Variants in ERC1 observed in about 807,000 individuals in gnomAD.
The protein encoded by ERC1 is ELKS/RAB6-interacting/CAST family member 1.
Under a neutral mutation model 132.0 loss-of-function variants are expected in ERC1, and 56 were observed. The ratio of observed to expected loss-of-function variants is 0.42; its 90% CI spans 0.34 to 0.53. ERC1 has a LOEUF of 0.53. Among genes scored for constraint, ERC1 ranks in the 20% least tolerant of loss-of-function variants. ERC1 has a pLI of 0.03. For synonymous variants in ERC1, 478 were observed against 476.1 expected (o/e 1.00, Z -0.05); for missense variants, 1,202 against 1,349.9 (o/e 0.89, Z 1.72).
chr12:1,405,746 T>C (rs12296480), intron 16 of ERC1, among the ~76,000 whole-genome samples: 40,541 of 151,752 alleles, frequency 0.27, 9,309 homozygotes, highest in African/African-American at 0.63. Flanking sequence ...AAATGCTGTG[T>C]AGCCAGTTAA....
chr12:1,305,250 C>G (rs2080792631), intron 15 of ERC1, among the ~76,000 whole-genome samples: 1 of 152,156 alleles, frequency 6.6e-6, no homozygotes, highest in Admixed American at 6.6e-5. Flanking sequence ...AATTTCTGTG[C>G]TTGGGATTCT....
chr12:1,488,523 CA>C (rs750140534), intron 18 of ERC1, among the ~76,000 whole-genome samples: 1 of 152,000 alleles, frequency 6.6e-6, no homozygotes, highest in African/African-American at 2.4e-5. Context: ...CCCATCTCTC[CA>C]AAAAATTAAA....
At chr12:1,051,529 CAAAAAA>C (rs35353366) in intron 2 of ERC1, among the ~76,000 whole-genome samples, 1 of 127,686 alleles carries the variant, frequency 7.8e-6, no homozygotes, top group African/African-American at 3.3e-5. Context: ...GTCTCTACCC[CAAAAAA>C]AAAAAAAAAA....
chr12:1,044,594 G>A (rs1592914133), intron 2 of ERC1, among the ~76,000 whole-genome samples: 1 of 152,116 alleles, frequency 6.6e-6, no homozygotes, highest in Admixed American at 6.5e-5. Flanking sequence ...GACATAATAG[G>A]TATGCAGATA....
chr12:1,422,788 G>A (rs2092475307), intron 17 of ERC1, among the ~76,000 whole-genome samples: 1 of 151,872 alleles, frequency 6.6e-6, no homozygotes, highest in South Asian at 2.1e-4. Flanking sequence ...TTTCTGTAAT[G>A]GCTGTTCTAA....
At chr12:1,194,106 T>C (rs1183673609) in intron 12 of ERC1, among the ~76,000 whole-genome samples, 1 of 152,190 alleles carries the variant, frequency 6.6e-6, no homozygotes. Context: ...GAGTAGGCTT[T>C]TCTTTGCTAT....
chr12:1,192,073 A>G (rs751741481), intron 12 of ERC1, among the ~76,000 whole-genome samples: 74 of 152,328 alleles, frequency 4.9e-4, no homozygotes, highest in Non-Finnish European at 7.9e-4. Flanking sequence ...TGTGGTTTGT[A>G]AATTCCAGAT....
intron 13 of ERC1, among the ~76,000 whole-genome samples, chr12:1,238,637 A>G (rs970733824): frequency 1.3e-5 from 2 of 152,086 alleles, no homozygotes; most frequent in Non-Finnish European, 2.9e-5. Flanking sequence ...TCTAGAAAGT[A>G]TTTATTTTAT....
At chr12:1,268,111 A>G (rs573311320) in intron 14 of ERC1, among the ~76,000 whole-genome samples, 1 of 152,348 alleles carries the variant, frequency 6.6e-6, no homozygotes, top group South Asian at 2.1e-4. Flanking sequence ...GCCACTACAG[A>G]AGCAAAACTG....
intron 14 of ERC1, among the ~76,000 whole-genome samples, chr12:1,286,146 T>C (rs1193829060): frequency 2.0e-5 from 3 of 151,838 alleles, no homozygotes; most frequent in Non-Finnish European, 4.4e-5. Flanking sequence ...ACACAAAAAT[T>C]AACCAGACGT....
In ERC1 at chr12:1,072,481, C is replaced by A. The variant is rs149406696; in HGVS notation, c.670-10683C>A. On this transcript the variant is annotated intron_variant, in intron 2 of 18. Coordinates refer to ENST00000360905, the MANE Select transcript of ERC1 (RefSeq NM_178040.4). ...TCTTCATTAATTTTCTTGAGGAGCT[C>A]TTTTATCTGCTTAATGTCTTTACAA... Among the ~76,000 whole-genome samples, 36 of 134,240 alleles carry A rather than the reference C, an allele frequency of 2.7e-4. No homozygotes were observed. In the East Asian group the frequency reaches 8.8e-3, roughly 33 times the overall value. The allele number at this position is 134,240 out of a possible 152,430, so 88.1% of individuals were successfully genotyped here. A position where few individuals can be genotyped will look rare whatever the true frequency, so the allele number is the denominator to read the frequency against.
chr12:1,001,435 G>C (rs890368076), intron 1 of ERC1, among the ~76,000 whole-genome samples: 21 of 152,222 alleles, frequency 1.4e-4, no homozygotes, highest in African/African-American at 5.1e-4. Context: ...TTATGAATCA[G>C]ACACTTGTAT....
intron 8 of ERC1, among the ~76,000 whole-genome samples, chr12:1,167,584 G>C (rs1421527771): frequency 6.6e-6 from 1 of 151,654 alleles, no homozygotes; most frequent in Admixed American, 6.6e-5. Flanking sequence ...TCCTGTAATT[G>C]TCAGACTTCC....
rs973897739 is a variant in ERC1 at position 1,092,590 on chromosome 12, A to G, written c.1086+9010A>G. 2.6e-5 allele frequency among the ~76,000 whole-genome samples: 4 copies of G among 152,236 alleles called. No individual in the cohort carries two copies. In the East Asian group the frequency reaches 7.7e-4, roughly 29 times the overall value. ...ATTACCCGGTATGGAGAAAGTTATGAAAACAGTTTATGATGGTATGTGATT... is the reference window on the plus strand; with the variant it reads ...ATTACCCGGTATGGAGAAAGTTATGGAAACAGTTTATGATGGTATGTGATT... On this transcript the variant is annotated intron_variant, in intron 3 of 18. Transcript: ENST00000360905.
chr12:1,176,037 A>G (rs1455801805), intron 8 of ERC1, among the ~76,000 whole-genome samples: 1 of 152,192 alleles, frequency 6.6e-6, no homozygotes, highest in Non-Finnish European at 1.5e-5. Flanking sequence ...CCTATTGTGA[A>G]TCACAAATGT....
chr12:1,464,005 T>C lies in ERC1; in HGVS notation c.3213+19255T>C, dbSNP rs185627459. On this transcript the variant is annotated intron_variant, in intron 18 of 18. Coordinates refer to ENST00000360905, the MANE Select transcript of ERC1 (RefSeq NM_178040.4). ...ACCTTACAATGCAGAATGGCTGCCC[T>C]GCTTCTGATAAAATCCCCTCAAATG... Among the ~76,000 whole-genome samples the C allele has an allele frequency of 2.3e-3, 345 of 152,246 alleles. 3 individuals carry two copies. Among genetic ancestry groups the C allele is most frequent in the African/African-American group, 8.0e-3 (331 of 41,548 alleles).
rs375766743 is a variant in ERC1 at position 1,304,891 on chromosome 12, G to A, written c.2780+14879G>A. ...TGCAAGCTCCGCCTCCCGGGTTGAC[G>A]CCATTCTCCTACCTCAGCCTCCCGA... On this transcript the variant is annotated intron_variant, in intron 15 of 18. Coordinates refer to ENST00000360905, the MANE Select transcript of ERC1 (RefSeq NM_178040.4). 8.9e-3 allele frequency among the ~76,000 whole-genome samples: 1,270 copies of A among 142,512 alleles called. 8 individuals are homozygous for A. The highest frequency in any genetic ancestry group is 0.013 in the Non-Finnish European group (857 of 66,322). 93.5% of individuals were successfully genotyped at this position (142,512 alleles called of 152,430 possible). A position where few individuals can be genotyped will look rare whatever the true frequency, so the allele number is the denominator to read the frequency against.
At chr12:1,149,256 G>A (rs180855444) in intron 8 of ERC1, among the ~76,000 whole-genome samples, 1 of 152,160 alleles carries the variant, frequency 6.6e-6, no homozygotes, top group African/African-American at 2.4e-5. Flanking sequence ...TTTCCATCCA[G>A]AGAACAAAGG....
chr12:1,295,349 C>A (rs981409326), intron 15 of ERC1, among the ~76,000 whole-genome samples: 1 of 152,118 alleles, frequency 6.6e-6, no homozygotes, highest in Admixed American at 6.5e-5. Flanking sequence ...CTGTGTAAAT[C>A]AGGGAAGTAA....
Sources: allele counts gnomAD v4.1 joint callset (sites outside exome capture counted in the v4.1 genomes callset), GRCh38; gene constraint gnomAD v4.1.1; transcripts MANE v1.5; gene names NCBI Gene and HGNC (gene_info 2026-07-23, HGNC 2026-07-21).